Variants in ZPBP observed in about 807,000 individuals in gnomAD.
ZPBP encodes zona pellucida-binding protein 1.
In ZPBP, 26 loss-of-function variants were observed where a neutral mutation model predicts 44.8. That is an observed-to-expected ratio of 0.58 (90% confidence interval 0.43 to 0.81). The LOEUF (loss-of-function observed/expected upper bound fraction) is 0.81. Ranked by LOEUF, ZPBP falls within the 30% of genes least tolerant of loss-of-function variation. The pLI is 0.00. For missense variants in ZPBP, 409 were observed against 434.0 expected (o/e 0.94, Z 0.51); for synonymous variants, 174 against 153.2 (o/e 1.14, Z -1.00).
chr7:49,985,111 G>T (rs1042433081), intron 6 of ZPBP, among the ~76,000 whole-genome samples: 25 of 152,214 alleles, frequency 1.6e-4, no homozygotes, highest in African/African-American at 5.5e-4. Flanking sequence ...ACCCTGTCCA[G>T]CGTTGGTTCC....
intron 7 of ZPBP, among the ~76,000 whole-genome samples, chr7:49,971,544 AT>A (rs1469716164): frequency 6.6e-6 from 1 of 152,208 alleles, no homozygotes; most frequent in Non-Finnish European, 1.5e-5. Flanking sequence ...TATATACTCT[AT>A]AAAAAATGAC....
intron 6 of ZPBP, among the ~76,000 whole-genome samples, chr7:50,005,033 AT>A (rs76575796): frequency 0.55 from 73,513 of 134,086 alleles, 18,832 homozygotes; most frequent in East Asian, 0.7. Context: ...CAACTGAATC[AT>A]TTTAAAAAAA....
intron 2 of ZPBP, among the ~76,000 whole-genome samples, chr7:49,859,998 G>A (rs117414040): frequency 5.9e-4 from 89 of 151,734 alleles, no homozygotes; most frequent in Non-Finnish European, 1.2e-3. Context: ...ATACATATAT[G>A]TCCATTTAAT....
chr7:49,920,677 A>C (rs974748551), intron 1 of ZPBP: 1 of 152,140 alleles, frequency 6.6e-6, no homozygotes, highest in Non-Finnish European at 1.5e-5. Flanking sequence ...TAAATATAGC[A>C]TGAATAAAAC....
intron 5 of ZPBP, among the ~76,000 whole-genome samples, chr7:50,027,369 C>T (rs1799385963): frequency 6.6e-6 from 1 of 151,846 alleles, no homozygotes; most frequent in African/African-American, 2.4e-5. Context: ...TACTCCTAAA[C>T]AACAAACAGG....
At chr7:49,968,749 T>C (rs1027575319) in intron 7 of ZPBP, among the ~76,000 whole-genome samples, 5 of 151,988 alleles carry the variant, frequency 3.3e-5, no homozygotes, top group Non-Finnish European at 7.4e-5. Flanking sequence ...ACTCATAATA[T>C]CACAGCTATT....
chr7:49,912,242 T>G (rs1793496008), intron 1 of ZPBP: 1 of 1,582,444 alleles, frequency 6.3e-7, no homozygotes, highest in Non-Finnish European at 8.6e-7. Flanking sequence ...GATGTGAACA[T>G]TCTAGATGAC....
At chr7:50,063,306 T>A (rs748144604) in intron 3 of ZPBP, among the ~76,000 whole-genome samples, 39 of 152,248 alleles carry the variant, frequency 2.6e-4, no homozygotes, top group Non-Finnish European at 5.1e-4. Flanking sequence ...ATACATTTTT[T>A]AATTTAATTC....
At chr7:50,035,050 A>T (rs1046622037) in intron 4 of ZPBP, among the ~76,000 whole-genome samples, 4 of 152,236 alleles carry the variant, frequency 2.6e-5, no homozygotes, top group Admixed American at 1.3e-4. Flanking sequence ...ATCTGTCCAG[A>T]GAAAGCACCA....
intron 7 of ZPBP, among the ~76,000 whole-genome samples, chr7:49,962,687 G>A (rs918008687): frequency 3.3e-5 from 5 of 151,666 alleles, no homozygotes; most frequent in African/African-American, 9.7e-5. Context: ...AAGTAAAATT[G>A]TCTTTATTCT....
At chr7:49,897,593 A>C (rs1018757796) in intron 2 of ZPBP, among the ~76,000 whole-genome samples, 4 of 151,882 alleles carry the variant, frequency 2.6e-5, no homozygotes, top group African/African-American at 9.7e-5. Flanking sequence ...AAAATCAACA[A>C]CTCTTCTTGG....
intron 5 of ZPBP, among the ~76,000 whole-genome samples, chr7:50,023,883 A>G (rs570396154): frequency 2.6e-5 from 4 of 152,210 alleles, no homozygotes; most frequent in African/African-American, 9.6e-5. Context: ...TGAGCCCATC[A>G]GTGGGGCTGG....
chr7:50,012,463 C>T (rs142998542), intron 6 of ZPBP, among the ~76,000 whole-genome samples: 2,003 of 151,726 alleles, frequency 0.013, 37 homozygotes, highest in African/African-American at 0.046. Flanking sequence ...GTCCAAATAT[C>T]AAAACCTGAC....
In ZPBP at chr7:50,089,695, G is replaced by T. The variant is rs1207271910; in HGVS notation, c.142C>A (p.Arg48=). Residue 48 remains arginine (R), a synonymous_variant, in exon 2 of 8, where the codon CGA becomes AGA. Transcript: ENST00000046087. ...GTCAAGCGAAAAGCTCTTGGTAATCGAACCAAGTGTCCAACTATCAAAAAA... is the reference window on the plus strand; with the variant it reads ...GTCAAGCGAAAAGCTCTTGGTAATCTAACCAAGTGTCCAACTATCAAAAAA... ...RVPSSVGHLV[R]LPRAFRLTKD... is the part of the protein sequence containing the mutation. 2 of 1,609,858 alleles carry T rather than the reference G, an allele frequency of 1.2e-6. No homozygotes were observed. The highest frequency in any genetic ancestry group is 1.7e-6 in the Non-Finnish European group (2 of 1,177,602).
At chr7:49,994,224 A>G (rs1045239275) in intron 6 of ZPBP, among the ~76,000 whole-genome samples, 4 of 152,194 alleles carry the variant, frequency 2.6e-5, no homozygotes, top group Admixed American at 6.5e-5. Context: ...GGGATGTCCC[A>G]GGCAGGAGGC....
At chr7:49,869,072 G>A (rs1190805135) in intron 2 of ZPBP, among the ~76,000 whole-genome samples, 1 of 151,924 alleles carries the variant, frequency 6.6e-6, no homozygotes, top group Non-Finnish European at 1.5e-5. Context: ...TTTGAAACCC[G>A]TACAAGTGAG....
intron 4 of ZPBP, among the ~76,000 whole-genome samples, chr7:50,053,278 C>T (rs1015022585): frequency 6.6e-6 from 1 of 152,274 alleles, no homozygotes; most frequent in African/African-American, 2.4e-5. Flanking sequence ...AAAAAACAGA[C>T]CTAAGGTTTA....
the ZPBP span, among the ~76,000 whole-genome samples, chr7:49,841,696 T>G: frequency 6.6e-6 from 1 of 152,250 alleles, no homozygotes; most frequent in Non-Finnish European, 1.5e-5. Context: ...TTTGCATTTC[T>G]TCTAATCATT....
In ZPBP at chr7:50,001,009, G is replaced by A. The variant is rs921128080; in HGVS notation, c.783+17231C>T. Among the ~76,000 whole-genome samples the A allele has an allele frequency of 7.2e-5, 11 of 152,204 alleles. 1 individual carries two copies. The highest frequency in any genetic ancestry group is 5.9e-4 in the Admixed American group (9 of 15,276). On this transcript the variant is annotated intron_variant, in intron 6 of 7. Coordinates refer to ENST00000046087, the MANE Select transcript of ZPBP (RefSeq NM_007009.3). ...AGGACACAGACACACATACAAAGAG[G>A]AAAGACCATGTGAAGACATGGCCAT...
Sources: gnomAD v4.1 joint callset for allele counts (sites outside exome capture counted in the v4.1 genomes callset) on GRCh38, gnomAD v4.1.1 for gene constraint, MANE v1.5 for transcripts, NCBI Gene and HGNC (gene_info 2026-07-23, HGNC 2026-07-21) for gene names.